Variants in COG5 observed in about 807,000 individuals in gnomAD.
COG5 encodes the protein component of oligomeric golgi complex 5.
Under a neutral mutation model 110.4 loss-of-function variants are expected in COG5, and 86 were observed. That is an observed-to-expected ratio of 0.78 (90% CI 0.65 to 0.93). The LOEUF (loss-of-function observed/expected upper bound fraction) is 0.93, where lower values mean the gene tolerates loss of function less well. COG5 is among the 40% of genes least tolerant of loss of function. The pLI is 0.00. For synonymous variants in COG5, 360 were observed against 334.6 expected (o/e 1.08, Z -0.83); for missense variants, 1,077 against 987.0 (o/e 1.09, Z -1.22).
At chr7:107,453,830 A>G (rs1795499659) in intron 6 of COG5, among the ~76,000 whole-genome samples, 1 of 152,172 alleles carries the variant, frequency 6.6e-6, no homozygotes, top group Admixed American at 6.5e-5. Flanking sequence ...AAATGTTTCC[A>G]AATCCAAGTG....
At chr7:107,431,159 GT>G (rs1794001081) in intron 6 of COG5, among the ~76,000 whole-genome samples, 1 of 152,178 alleles carries the variant, frequency 6.6e-6, no homozygotes, top group Non-Finnish European at 1.5e-5. Flanking sequence ...AATCTGTATT[GT>G]TTTAAGCCAT....
chr7:107,459,931 T>C (rs1047608564), intron 6 of COG5, among the ~76,000 whole-genome samples: 3 of 152,138 alleles, frequency 2.0e-5, no homozygotes, highest in African/African-American at 7.2e-5. Flanking sequence ...GAAAGCACAT[T>C]ATTTTCAAGA....
At chr7:107,461,320 G>T (rs1795978968) in intron 6 of COG5, among the ~76,000 whole-genome samples, 1 of 151,512 alleles carries the variant, frequency 6.6e-6, no homozygotes, top group Non-Finnish European at 1.5e-5. Flanking sequence ...CATGTTACTA[G>T]ATTAAATGAG....
At chr7:107,309,320 T>C (rs1808009701) in intron 11 of COG5, among the ~76,000 whole-genome samples, 1 of 152,118 alleles carries the variant, frequency 6.6e-6, no homozygotes, top group Non-Finnish European at 1.5e-5. Context: ...AAAATAAAGA[T>C]TATTTTGATT....
intron 14 of COG5, among the ~76,000 whole-genome samples, chr7:107,264,212 G>A (rs1317851915): frequency 1.5e-4 from 23 of 151,988 alleles, no homozygotes; most frequent in Non-Finnish European, 2.9e-5. Context: ...TCCAGGCAGT[G>A]ACTACAAATC....
chr7:107,491,539 A>G (rs1470316317), intron 6 of COG5, among the ~76,000 whole-genome samples: 1 of 152,188 alleles, frequency 6.6e-6, no homozygotes, highest in Non-Finnish European at 1.5e-5. Flanking sequence ...TACTTCTCCC[A>G]GGAAAAAATA....
At chr7:107,402,717 G>C (rs565062309) in intron 7 of COG5, among the ~76,000 whole-genome samples, 1 of 152,186 alleles carries the variant, frequency 6.6e-6, no homozygotes, top group Non-Finnish European at 1.5e-5. Context: ...AGAGCTGCAG[G>C]TGGATGGCAT....
chr7:107,348,222 G>A (rs190631264), intron 10 of COG5, among the ~76,000 whole-genome samples: 368 of 151,328 alleles, frequency 2.4e-3, no homozygotes, highest in Non-Finnish European at 3.7e-3. Context: ...CACTTCTGTG[G>A]TAATATTGAA....
chr7:107,542,785 C>A (rs560258215), intron 5 of COG5, among the ~76,000 whole-genome samples: 1 of 152,136 alleles, frequency 6.6e-6, no homozygotes, highest in East Asian at 1.9e-4. Flanking sequence ...GCTTGGCCAA[C>A]ATGGTGAACT....
intron 10 of COG5, among the ~76,000 whole-genome samples, chr7:107,352,647 T>G (rs1812267404): frequency 6.6e-6 from 1 of 152,184 alleles, no homozygotes; most frequent in African/African-American, 2.4e-5. Context: ...ATCCTAAATT[T>G]TTGAGTTACA....
At chr7:107,229,798 T>C (rs1271681839) in intron 19 of COG5, among the ~76,000 whole-genome samples, 2 of 151,810 alleles carry the variant, frequency 1.3e-5, no homozygotes, top group African/African-American at 2.4e-5. Context: ...AGTCATTCTC[T>C]GCACTTCATC....
intron 10 of COG5, among the ~76,000 whole-genome samples, chr7:107,336,421 T>A (rs1400808507): frequency 2.0e-5 from 3 of 152,176 alleles, no homozygotes; most frequent in Non-Finnish European, 2.9e-5. Context: ...AAGGGGCTGA[T>A]TGATGACTAC....
At chr7:107,456,910 T>C (rs911067128) in intron 6 of COG5, among the ~76,000 whole-genome samples, 3 of 152,192 alleles carry the variant, frequency 2.0e-5, no homozygotes, top group Non-Finnish European at 4.4e-5. Flanking sequence ...TTAGAATAAA[T>C]GTTCCTCTGA....
chr7:107,369,318 T>C (rs1422437013), intron 8 of COG5, among the ~76,000 whole-genome samples: 1 of 152,062 alleles, frequency 6.6e-6, no homozygotes, highest in Non-Finnish European at 1.5e-5. Context: ...TTAATCCCCT[T>C]AATAAACTAG....
At chr7:107,253,253 C>T (rs1208850030) in intron 16 of COG5, 1 of 152,128 alleles carries the variant, frequency 6.6e-6, no homozygotes, top group Non-Finnish European at 1.5e-5. Flanking sequence ...GGAATGCCTT[C>T]ATTTCAAGGA....
At chr7:107,507,381 C>T (rs1301102546) in intron 6 of COG5, among the ~76,000 whole-genome samples, 1 of 150,838 alleles carries the variant, frequency 6.6e-6, no homozygotes, top group Admixed American at 6.6e-5. Flanking sequence ...GCAAGCTCTG[C>T]CTCCCGGGTT....
intron 6 of COG5, among the ~76,000 whole-genome samples, chr7:107,427,570 G>C (rs1793730005): frequency 1.3e-5 from 2 of 151,950 alleles, no homozygotes; most frequent in African/African-American, 4.8e-5. Flanking sequence ...GTGTAATACA[G>C]TTGACACTGG....
chr7:107,551,749 C>G (rs1034657178), intron 3 of COG5, among the ~76,000 whole-genome samples: 1 of 152,140 alleles, frequency 6.6e-6, no homozygotes, highest in African/African-American at 2.4e-5. Context: ...TCCCAAGTAG[C>G]TGGGACTAGA....
chr7:107,229,850 T>G (rs1328864105), intron 19 of COG5, among the ~76,000 whole-genome samples: 3 of 149,200 alleles, frequency 2.0e-5, no homozygotes, highest in African/African-American at 7.5e-5. Flanking sequence ...TTTTTGTTTT[T>G]TTTTTTTGTT....
Sources: gnomAD v4.1 joint callset for allele counts (sites outside exome capture counted in the v4.1 genomes callset) on GRCh38, gnomAD v4.1.1 for gene constraint, MANE v1.5 for transcripts, NCBI Gene and HGNC (gene_info 2026-07-23, HGNC 2026-07-21) for gene names.